OR1J2: variants seen among roughly 807,000 people sequenced by gnomAD.
OR1J2 encodes the protein olfactory receptor family 1 subfamily J member 2.
For synonymous variants in OR1J2, 142 were observed against 99.7 expected (o/e 1.42, Z -2.52); for missense variants, 304 against 246.1 (o/e 1.24, Z -1.57).
the OR1J2 span, chr9:122,477,643 T>G: frequency 1.2e-6 from 2 of 1,614,212 alleles, no homozygotes; most frequent in South Asian, 1.1e-5. Flanking sequence ...AATGCATCCC[T>G]TGTAAAAGAC....
the OR1J2 span, among the ~76,000 whole-genome samples, chr9:122,525,694 C>G: frequency 2.6e-5 from 4 of 152,128 alleles, no homozygotes; most frequent in Admixed American, 2.6e-4. Context: ...AGAGGTAGCA[C>G]AAGGAGCTTT....
the OR1J2 span, among the ~76,000 whole-genome samples, chr9:122,544,487 C>G: frequency 5.3e-5 from 7 of 131,500 alleles, no homozygotes; most frequent in Admixed American, 3.7e-4. Context: ...ATGGCACAAT[C>G]TCAGCTCACC....
the OR1J2 span, among the ~76,000 whole-genome samples, chr9:122,534,851 T>C: frequency 1.3e-5 from 2 of 152,148 alleles, no homozygotes; most frequent in Non-Finnish European, 2.9e-5. Context: ...CTCAGACCAT[T>C]TGCCCATTTT....
the OR1J2 span, chr9:122,526,904 G>A: frequency 6.2e-7 from 1 of 1,614,096 alleles, no homozygotes; most frequent in East Asian, 2.2e-5. Flanking sequence ...TGACTGTGGA[G>A]TAGCAGAGGG....
chr9:122,575,395 T>C, the OR1J2 span, among the ~76,000 whole-genome samples: 1 of 152,164 alleles, frequency 6.6e-6, no homozygotes, highest in Non-Finnish European at 1.5e-5. Flanking sequence ...ATTTCATCAT[T>C]TCTTTTTGTG....
At chr9:122,456,322 T>G in the OR1J2 span, among the ~76,000 whole-genome samples, 1 of 152,200 alleles carries the variant, frequency 6.6e-6, no homozygotes, top group Non-Finnish European at 1.5e-5. Context: ...TAGCTCTGGC[T>G]AATCTCTAGG....
At chr9:122,552,155 C>T in the OR1J2 span, among the ~76,000 whole-genome samples, 1 of 149,658 alleles carries the variant, frequency 6.7e-6, no homozygotes, top group Non-Finnish European at 1.5e-5. Context: ...TGGGAAAGTG[C>T]TGAGTCTCTG....
At chr9:122,461,868 C>T in the OR1J2 span, among the ~76,000 whole-genome samples, 1 of 152,100 alleles carries the variant, frequency 6.6e-6, no homozygotes, top group Admixed American at 6.6e-5. Flanking sequence ...GTTCCATATG[C>T]TGATGAATAG....
the OR1J2 span, chr9:122,553,134 T>C: frequency 6.8e-7 from 1 of 1,467,272 alleles, no homozygotes; most frequent in Non-Finnish European, 9.3e-7. Flanking sequence ...CACAGATGCA[T>C]ATCTGTAAAT....
the OR1J2 span, among the ~76,000 whole-genome samples, chr9:122,488,937 G>A: frequency 6.6e-6 from 1 of 151,972 alleles, no homozygotes; most frequent in Admixed American, 6.6e-5. Context: ...CACATGTCAT[G>A]GTGGTTTGCT....
the OR1J2 span, among the ~76,000 whole-genome samples, chr9:122,463,091 C>A: frequency 6.6e-6 from 1 of 152,118 alleles, no homozygotes; most frequent in Non-Finnish European, 1.5e-5. Flanking sequence ...AACATAACCC[C>A]AAACTTCTTG....
Position 122,511,716 on chromosome 9 carries a change from C to A in OR1J2, c.915C>A (p.Phe305Leu), listed in dbSNP as rs771228767. Reference protein sequence around the residue: ...RDMKEALGKLFSRATFFSW With the variant: ...RDMKEALGKLLSRATFFSW ...TGAAAGAGGCCCTTGGGAAACTCTT[C>A]AGTAGAGCAACATTTTTCTCTTGGT... Residue 305 changes from phenylalanine (F) to leucine (L), a missense_variant, in exon 1 of 1, where the codon TTC becomes TTA. Coordinates refer to ENST00000335302, the MANE Select transcript of OR1J2 (RefSeq NM_054107.1). The A allele has an allele frequency of 1.3e-6, 1 of 780,954 alleles. No individual in the cohort carries two copies. The highest frequency in any genetic ancestry group is 2.4e-6 in the Non-Finnish European group (1 of 418,108). 48.4% of individuals were successfully genotyped at this position (780,954 alleles called of 1,614,324 possible). A position where few individuals can be genotyped will look rare whatever the true frequency, so the allele number is the denominator to read the frequency against.
the OR1J2 span, among the ~76,000 whole-genome samples, chr9:122,468,335 A>C: frequency 2.6e-5 from 4 of 152,218 alleles, no homozygotes; most frequent in East Asian, 1.9e-4. Flanking sequence ...CAACTTTGTG[A>C]GTGGGTTTCT....
chr9:122,543,215 G>C, the OR1J2 span, among the ~76,000 whole-genome samples: 2 of 152,192 alleles, frequency 1.3e-5, no homozygotes, highest in Non-Finnish European at 2.9e-5. Context: ...TTTTGTTATT[G>C]TTTAGACAGG....
Position 122,511,037 on chromosome 9 carries a change from C to T in OR1J2, c.236C>T (p.Pro79Leu). ...TDISFSSVTV[P>L]KMLMDMRTKY... ...ATCTCCTTTTCATCTGTCACTGTCC[C>T]TAAGATGCTGATGGACATGCGGACT... Residue 79 changes from proline (P) to leucine (L), a missense_variant, in exon 1 of 1, where the codon CCT (proline) becomes CTT (leucine). Coordinates refer to ENST00000335302, the MANE Select transcript of OR1J2 (RefSeq NM_054107.1). 6.6e-7 allele frequency: 1 copy of T among 1,521,788 alleles called. No homozygotes were observed. The highest frequency in any genetic ancestry group is 9.1e-7 in the Non-Finnish European group (1 of 1,099,418). The allele number at this position is 1,521,788 out of a possible 1,614,324, so 94.3% of individuals were successfully genotyped here.
chr9:122,474,201 T>A, the OR1J2 span, among the ~76,000 whole-genome samples: 1 of 152,236 alleles, frequency 6.6e-6, no homozygotes, highest in Non-Finnish European at 1.5e-5. Context: ...TGTATACTTG[T>A]TGTCTGTTAA....
the OR1J2 span, among the ~76,000 whole-genome samples, chr9:122,497,766 A>G: frequency 6.6e-6 from 1 of 152,042 alleles, no homozygotes; most frequent in Non-Finnish European, 1.5e-5. Flanking sequence ...TAGGTCATTA[A>G]TTTGAGGTCT....
At chr9:122,546,125 C>A in the OR1J2 span, among the ~76,000 whole-genome samples, 2 of 152,158 alleles carry the variant, frequency 1.3e-5, no homozygotes, top group South Asian at 4.2e-4. Context: ...TCATTTTTAC[C>A]TGGACCTCAT....
chr9:122,494,417 C>T, the OR1J2 span, among the ~76,000 whole-genome samples: 18 of 152,102 alleles, frequency 1.2e-4, no homozygotes, highest in East Asian at 3.5e-3. Context: ...TGGACTAGTC[C>T]CTTTATCATT....
Sources: gnomAD v4.1 joint callset for allele counts (sites outside exome capture counted in the v4.1 genomes callset) on GRCh38, gnomAD v4.1.1 for gene constraint, MANE v1.5 for transcripts, NCBI Gene and HGNC (gene_info 2026-07-23, HGNC 2026-07-21) for gene names.